The following KSR2 variants were observed in gnomAD, a reference collection of about 807,000 sequenced individuals.
KSR2 encodes the protein kinase suppressor of ras 2.
In KSR2, 25 loss-of-function variants were observed where a neutral mutation model predicts 107.8. The ratio of observed to expected loss-of-function variants is 0.23; its 90% CI spans 0.17 to 0.32. The LOEUF is 0.32. Ranked by LOEUF, KSR2 falls within the 10% of genes least tolerant of loss-of-function variation. The pLI is 1.00. For missense variants in KSR2, 887 were observed against 1,268.9 expected (o/e 0.70, Z 4.57); for synonymous variants, 480 against 507.0 (o/e 0.95, Z 0.71).
Position 117,650,873 on chromosome 12 carries a change from G to C in KSR2, c.1171+16601C>G, listed in dbSNP as rs562758311. Reference sequence around the variant, plus strand: ...CTCAAATCTACTAAGATTGCCCTGAGTGAGTCTTATCTCCTGTAGAGAAAG... The same window carrying C: ...CTCAAATCTACTAAGATTGCCCTGACTGAGTCTTATCTCCTGTAGAGAAAG... On this transcript the variant is annotated intron_variant, in intron 5 of 19. Transcript: ENST00000339824. 2.1e-4 allele frequency among the ~76,000 whole-genome samples: 32 copies of C among 152,286 alleles called. No homozygotes were observed. The South Asian group carries it at 6.2e-3, about 30-fold the overall frequency.
intron 1 of KSR2, among the ~76,000 whole-genome samples, chr12:117,948,052 ATAAC>A (rs901639385): frequency 2.6e-5 from 4 of 152,202 alleles, no homozygotes; most frequent in African/African-American, 9.6e-5. Flanking sequence ...AAAAGACAAA[ATAAC>A]TAAATAGCTA....
intron 3 of KSR2, among the ~76,000 whole-genome samples, chr12:117,826,024 G>GGATGGAT (rs1415278748): frequency 1.3e-5 from 2 of 149,910 alleles, no homozygotes; most frequent in African/African-American, 2.5e-5. Context: ...GATGCATGGA[G>GGATGGAT]GGATGGATGG....
intron 1 of KSR2, among the ~76,000 whole-genome samples, chr12:117,905,096 T>C (rs1006421623): frequency 6.6e-6 from 1 of 152,206 alleles, no homozygotes; most frequent in Non-Finnish European, 1.5e-5. Context: ...GCAGGAGAAT[T>C]GCTTGAACCT....
chr12:117,923,711 A>T (rs1397252239), intron 1 of KSR2, among the ~76,000 whole-genome samples: 1 of 152,046 alleles, frequency 6.6e-6, no homozygotes, highest in Non-Finnish European at 1.5e-5. Context: ...GTGTATATAT[A>T]CGTATATATA....
chr12:117,950,277 A>G (rs1357739747), intron 1 of KSR2, among the ~76,000 whole-genome samples: 1 of 152,110 alleles, frequency 6.6e-6, no homozygotes, highest in African/African-American at 2.4e-5. Flanking sequence ...CCTGGCCTGC[A>G]ATTTACTTTT....
At chr12:117,710,036 T>C (rs748330718) in intron 4 of KSR2, among the ~76,000 whole-genome samples, 1 of 152,212 alleles carries the variant, frequency 6.6e-6, no homozygotes, top group African/African-American at 2.4e-5. Flanking sequence ...CTCGAGGAGA[T>C]GGATCTGGAC....
At chr12:117,501,482 A>G (rs1873372480) in intron 14 of KSR2, among the ~76,000 whole-genome samples, 1 of 152,094 alleles carries the variant, frequency 6.6e-6, no homozygotes, top group Admixed American at 6.5e-5. Context: ...TCACTTGCTC[A>G]CTCAGTCAAC....
chr12:117,793,325 A>G (rs1228532381), intron 3 of KSR2, among the ~76,000 whole-genome samples: 1 of 141,320 alleles, frequency 7.1e-6, no homozygotes, highest in Non-Finnish European at 1.5e-5. Flanking sequence ...CCTCACACCA[A>G]CATGCACACA....
chr12:117,693,635 C>G (rs1237461110), intron 4 of KSR2, among the ~76,000 whole-genome samples: 2 of 152,192 alleles, frequency 1.3e-5, no homozygotes, highest in African/African-American at 4.8e-5. Context: ...GTAAGTTGTG[C>G]TTAATAAGTT....
rs146127684 is a variant in KSR2, at chr12:117,953,345, A to C, written c.180+14731T>G. On this transcript the variant is annotated intron_variant, in intron 1 of 19. Transcript: ENST00000339824. ...CCCTGGTATACACCAAAAAGAATTG[A>C]AAACAAGAACTCAAACAGATACTCT... Among the ~76,000 whole-genome samples, 657 of 152,352 alleles carry C rather than the reference A, an allele frequency of 4.3e-3. 3 individuals are homozygous for C. Among genetic ancestry groups the C allele is most frequent in the African/African-American group, 0.015 (611 of 41,594 alleles).
In KSR2 at chr12:117,824,182, A is replaced by G. The variant is rs569341523; in HGVS notation, c.472+31246T>C. Among the ~76,000 whole-genome samples the G allele has an allele frequency of 2.6e-5, 4 of 151,844 alleles. No individual in the cohort carries two copies. In the South Asian group the frequency reaches 8.4e-4, roughly 32 times the overall value. On this transcript the variant is annotated intron_variant, in intron 3 of 19. Coordinates refer to ENST00000339824, the MANE Select transcript of KSR2 (RefSeq NM_173598.6). ...ACAAACATCACATATTCTTACTCCT[A>G]TGAAACAGCTAAAAAAGTGGGTCTC...
At chr12:117,862,089 C>A (rs1262082987) in intron 1 of KSR2, among the ~76,000 whole-genome samples, 6 of 148,418 alleles carry the variant, frequency 4.0e-5, no homozygotes, top group African/African-American at 1.0e-4. Flanking sequence ...AGAGACAAGG[C>A]CTTGTTCCGT....
chr12:117,482,747 G>T (rs1054384853), intron 16 of KSR2, among the ~76,000 whole-genome samples: 2 of 152,198 alleles, frequency 1.3e-5, no homozygotes, highest in African/African-American at 2.4e-5. Flanking sequence ...GAAAATCAGA[G>T]GTCCTGCACC....
chr12:117,814,942 T>G (rs1190955899), intron 3 of KSR2, among the ~76,000 whole-genome samples: 1 of 151,920 alleles, frequency 6.6e-6, no homozygotes, highest in African/African-American at 2.4e-5. Context: ...TATAAATCAA[T>G]AAAAAAACAA....
chr12:117,848,297 C>G (rs1217436148), intron 3 of KSR2, among the ~76,000 whole-genome samples: 1 of 152,186 alleles, frequency 6.6e-6, no homozygotes, highest in African/African-American at 2.4e-5. Context: ...TGGCCCAGGA[C>G]AGGAAGGTCT....
intron 7 of KSR2, 35 bp from the exon 8 acceptor site, chr12:117,558,608 T>C (rs1461294830): frequency 1.9e-6 from 3 of 1,564,940 alleles, no homozygotes; most frequent in Non-Finnish European, 2.6e-6. Flanking sequence ...GATGGATAGG[T>C]GAATGGCTGA....
At chr12:117,600,530 T>C (rs1197724785) in intron 5 of KSR2, among the ~76,000 whole-genome samples, 2 of 152,198 alleles carry the variant, frequency 1.3e-5, no homozygotes, top group Non-Finnish European at 2.9e-5. Context: ...ATTTGTTCAA[T>C]GTGATCATTC....
At chr12:117,566,104 TTG>T (rs1340662963) in intron 7 of KSR2, among the ~76,000 whole-genome samples, 19 of 136,474 alleles carry the variant, frequency 1.4e-4, no homozygotes, top group African/African-American at 4.1e-4. Flanking sequence ...TTTTTTTTTT[TTG>T]CAACCTCTCC....
intron 1 of KSR2, among the ~76,000 whole-genome samples, chr12:117,880,380 T>G (rs1593334601): frequency 6.6e-6 from 1 of 152,122 alleles, no homozygotes; most frequent in Admixed American, 6.6e-5. Flanking sequence ...AGACACAGAA[T>G]ATAGCCATCG....
Sources: gnomAD v4.1 joint callset for allele counts (sites outside exome capture counted in the v4.1 genomes callset) on GRCh38, gnomAD v4.1.1 for gene constraint, MANE v1.5 for transcripts, NCBI Gene and HGNC (gene_info 2026-07-23, HGNC 2026-07-21) for gene names.